Variants in DNAH10 observed in about 807,000 individuals in gnomAD.
DNAH10 encodes axonemal beta dynein heavy chain 10.
DNAH10 carries 348 observed loss-of-function variants against 506.6 expected under a neutral mutation model. The ratio of observed to expected loss-of-function variants is 0.69; its 90% CI spans 0.63 to 0.75. DNAH10 has a LOEUF of 0.75. DNAH10 is among the 30% of genes least tolerant of loss of function. DNAH10 has a pLI of 0.00. For synonymous variants in DNAH10, 2,059 were observed against 2,198.6 expected, an observed-to-expected ratio of 0.94 and a Z score of 1.78; for missense variants, 5,179 against 5,787.1, an observed-to-expected ratio of 0.89 and a Z score of 3.41.
Position 123,787,966 on chromosome 12 carries a change from G to A in DNAH10, c.1584G>A (p.Met528Ile), listed in dbSNP as rs1411940664. The A allele has an allele frequency of 3.1e-6, 5 of 1,587,474 alleles. No homozygotes were observed. The highest frequency in any genetic ancestry group is 3.7e-5 in the Admixed American group (2 of 54,748). ...GGCTGTTCGAGAGGACGGATTATAT[G>A]GCCACCATCTGCCAGGACCTCTCCG... ...RKRLFERTDY[M>I]ATICQDLSDV... Residue 528 changes from methionine to isoleucine, a missense_variant, in exon 10 of 79, where the codon ATG becomes ATA. Coordinates refer to ENST00000673944, the MANE Select transcript of DNAH10 (RefSeq NM_001372106.1). The surrounding 1 kb of genome is among the most constrained non-coding windows in gnomAD (Gnocchi z 4.6).
At chr12:123,834,065 C>G (rs1960867558) in intron 27 of DNAH10, among the ~76,000 whole-genome samples, 1 of 152,176 alleles carries the variant, frequency 6.6e-6, no homozygotes, top group Non-Finnish European at 1.5e-5. Context: ...GAAGCCAGGC[C>G]TGGTTCACTG....
Position 123,881,774 on chromosome 12 carries a change from G to A in DNAH10, c.8784G>A (p.Gln2928=). The change falls in exon 51 of 79, where the codon CAG becomes CAA. Residue 2928 remains glutamine (Q), a synonymous_variant. Transcript: ENST00000673944. ...LLVGVGGSGK[Q]SLSRLAAFTA... ...TCGGGGTAGGGGGCTCAGGGAAGCA[G>A]TCTCTTTCGAGGCTGGCTGCCTTCA... The A allele has an allele frequency of 6.5e-7, 1 of 1,526,982 alleles. No homozygotes were observed. The allele number at this position is 1,526,982 out of a possible 1,614,324, so 94.6% of individuals were successfully genotyped here. A position where few individuals can be genotyped will look rare whatever the true frequency, so the allele number is the denominator to read the frequency against.
At chr12:123,899,440 G>T (rs1273556087) in intron 56 of DNAH10, among the ~76,000 whole-genome samples, 1 of 152,116 alleles carries the variant, frequency 6.6e-6, no homozygotes. Flanking sequence ...CAACCTGCCT[G>T]CCTCTTCCTT....
Position 123,918,677 on chromosome 12 carries a change from T to C in DNAH10, c.11234T>C (p.Val3745Ala). 9 of 1,549,298 alleles carry C rather than the reference T, an allele frequency of 5.8e-6. No individual in the cohort carries two copies. Among genetic ancestry groups the C allele is most frequent in the Non-Finnish European group, 7.9e-6 (9 of 1,144,808 alleles). ...AGGGTCACCTGTGCTTTTCTTCAGG[T>C]CTCAGAGAAACTCAAGCTGGCGGAG... ...LEETKSKATE[V>A]SEKLKLAEKT... The change falls in exon 65 of 79, where the codon GTC (valine) becomes GCC (alanine). Residue 3745 changes from valine to alanine, a missense_variant and splice_region_variant. Coordinates refer to ENST00000673944, the MANE Select transcript of DNAH10 (RefSeq NM_001372106.1).
intron 13 of DNAH10, among the ~76,000 whole-genome samples, chr12:123,798,270 T>C (rs920603929): frequency 7.9e-5 from 12 of 152,190 alleles, no homozygotes; most frequent in Non-Finnish European, 1.3e-4. Context: ...AGAGGTTTAA[T>C]TGGCTCACAG....
At chr12:123,790,497 G>A (rs1311193564) in intron 11 of DNAH10, among the ~76,000 whole-genome samples, 1 of 152,152 alleles carries the variant, frequency 6.6e-6, no homozygotes, top group East Asian at 1.9e-4. Flanking sequence ...AGAAGGCGGG[G>A]GCATGGAGAG....
intron 10 of DNAH10, among the ~76,000 whole-genome samples, chr12:123,789,287 G>A (rs561438460): frequency 3.3e-5 from 5 of 152,142 alleles, no homozygotes; most frequent in East Asian, 1.9e-4. Flanking sequence ...TGGAATCACC[G>A]TAGCTAGTGT....
chr12:123,843,546 A>G (rs936932835), intron 30 of DNAH10, among the ~76,000 whole-genome samples: 4 of 152,138 alleles, frequency 2.6e-5, no homozygotes, highest in Non-Finnish European at 5.9e-5. Context: ...ACAAAGGTCA[A>G]TGTTATTTTT....
At chr12:123,823,857 G>T (rs1039632991) in intron 24 of DNAH10, among the ~76,000 whole-genome samples, 14 of 150,204 alleles carry the variant, frequency 9.3e-5, no homozygotes, top group Non-Finnish European at 1.5e-4. Flanking sequence ...ATTCTTTCTG[G>T]TTTTTTTTTC....
intron 16 of DNAH10, among the ~76,000 whole-genome samples, chr12:123,801,714 GTAAT>G: frequency 6.6e-6 from 1 of 152,216 alleles, no homozygotes; most frequent in Non-Finnish European, 1.5e-5. Flanking sequence ...TAATTTGGAG[GTAAT>G]TATAGATTCA....
Position 123,926,605 on chromosome 12 carries a change from GGA to G in DNAH10, c.11922-28_11922-27del, listed in dbSNP as rs1027378356. The G allele has an allele frequency of 1.2e-6, 2 of 1,603,164 alleles. No homozygotes were observed. Among genetic ancestry groups the G allele is most frequent in the African/African-American group, 1.3e-5 (1 of 74,356 alleles). On this transcript the variant is annotated intron_variant, in intron 68 of 78. Coordinates refer to ENST00000673944, the MANE Select transcript of DNAH10 (RefSeq NM_001372106.1). This position sits in a 1 kb window ranked among gnomAD's most constrained non-coding sequence, Gnocchi z 4.1. ...CCCCTGGTCTGGAGCTGTCCTCGCG[GGA>G]GAGTTTTCTGACTGTGTTTCTTTCA...
intron 57 of DNAH10, among the ~76,000 whole-genome samples, chr12:123,906,466 TCC>T (rs1472028698): frequency 6.6e-6 from 1 of 152,052 alleles, no homozygotes; most frequent in East Asian, 1.9e-4. Flanking sequence ...GGTCTCAAAC[TCC>T]TGACCTCAGG....
chr12:123,893,174 C>T, intron 52 of DNAH10, 59 bp from the exon 53 acceptor site: 5 of 1,538,300 alleles, frequency 3.3e-6, no homozygotes, highest in Non-Finnish European at 4.5e-6. Flanking sequence ...TCAGTCAGCA[C>T]TTAGAGCGGT....
chr12:123,868,748 T>A (rs557962642), intron 43 of DNAH10, among the ~76,000 whole-genome samples: 1 of 152,356 alleles, frequency 6.6e-6, no homozygotes, highest in East Asian at 1.9e-4. Flanking sequence ...GAAGTTGTAT[T>A]TTATACTCCT....
chr12:123,888,551 G>C (rs1952839624), intron 52 of DNAH10, among the ~76,000 whole-genome samples: 1 of 152,136 alleles, frequency 6.6e-6, no homozygotes, highest in Non-Finnish European at 1.5e-5. Context: ...GGGACACCTG[G>C]AGCCACCAGA....
intron 24 of DNAH10, among the ~76,000 whole-genome samples, chr12:123,826,019 G>A (rs916942669): frequency 1.3e-5 from 2 of 152,062 alleles, no homozygotes; most frequent in Non-Finnish European, 2.9e-5. Flanking sequence ...AGCTACTCAG[G>A]AGGCTGAGAT....
Position 123,841,457 on chromosome 12 carries a change from T to G in DNAH10, c.5272T>G (p.Trp1758Gly). The part of the protein sequence containing the change: ...ILRAEGRVED[W>G]MTAVLNEMRR... ...GCGGGCTGAAGGGCGCGTGGAGGACTGGATGACGGCAGTTTTGAATGAGAT... is the reference window on the plus strand; with the variant it reads ...GCGGGCTGAAGGGCGCGTGGAGGACGGGATGACGGCAGTTTTGAATGAGAT... Residue 1758 changes from tryptophan (W) to glycine (G), a missense_variant, in exon 30 of 79, where the codon TGG (tryptophan) becomes GGG (glycine). Trp to Gly is a radical substitution (Grantham distance 184). Around this residue, in one of 3 missense-constraint regions of DNAH10, gnomAD observed 4,844 missense variants for 5,430.5 expected, o/e 0.89. Transcript: ENST00000673944. The G allele has an allele frequency of 1.2e-6, 2 of 1,614,030 alleles. No individual in the cohort carries two copies. The highest frequency in any genetic ancestry group is 2.2e-5 in the South Asian group (2 of 91,080).
chr12:123,767,749 G>A, intron 2 of DNAH10, 60 bp downstream of exon 2: 2 of 1,431,462 alleles, frequency 1.4e-6, no homozygotes, highest in African/African-American at 1.4e-5. Context: ...CGCAGCGGGA[G>A]TAGGGTGCTG....
Position 123,787,759 on chromosome 12 carries a change from C to A in DNAH10, c.1422-45C>A, listed in dbSNP as rs781637400. The A allele has an allele frequency of 5.7e-6, 9 of 1,587,078 alleles. No individual in the cohort carries two copies. The highest frequency in any genetic ancestry group is 1.3e-5 in the African/African-American group (1 of 74,788). On this transcript the variant is annotated intron_variant, in intron 9 of 78. Transcript: ENST00000673944. This position sits in a 1 kb window ranked among gnomAD's most constrained non-coding sequence, Gnocchi z 4.6. ...CCAGCCGGGGAGTGCGGCTCGGACC[C>A]GGAGCTCCGCCCTCCTCCCATCACG...
Sources: allele counts gnomAD v4.1 joint callset (sites outside exome capture counted in the v4.1 genomes callset), GRCh38; gene constraint gnomAD v4.1.1; regional missense constraint gnomAD v4.1.1; non-coding constraint Gnocchi (gnomAD v3.1); transcripts MANE v1.5; gene names NCBI Gene and HGNC (gene_info 2026-07-23, HGNC 2026-07-21).